The following KIF6 variants were observed in gnomAD, a reference collection of about 807,000 sequenced individuals.
KIF6 encodes the protein kinesin-like protein KIF6.
Under a neutral mutation model 112.7 loss-of-function variants are expected in KIF6, and 106 were observed. That is an observed-to-expected ratio of 0.94 (90% CI 0.80 to 1.11). The LOEUF (loss-of-function observed/expected upper bound fraction) is 1.11, where lower values mean the gene tolerates loss of function less well. KIF6 is among the 50% of genes least tolerant of loss of function. The probability of loss-of-function intolerance (pLI) is 0.00; values close to 1 mark genes in which losing one functional copy is unlikely to be tolerated. For missense variants in KIF6, 929 were observed against 964.0 expected (o/e 0.96, Z 0.48); for synonymous variants, 339 against 339.9 (o/e 1.00, Z 0.03).
rs1181629335 is a variant in KIF6 at position 39,346,475 on chromosome 6, C to A, written c.2231+1G>T. 1.4e-6 allele frequency: 1 copy of A among 716,284 alleles called. No individual in the cohort carries two copies. The highest frequency in any genetic ancestry group is 1.7e-5 in the African/African-American group (1 of 57,156). The allele number at this position is 716,284 out of a possible 1,614,324, so 44.4% of individuals were successfully genotyped here. A position where few individuals can be genotyped will look rare whatever the true frequency, so the allele number is the denominator to read the frequency against. ...CTATGAACCGGGAAGGGGGTCCTCACCAGACATCGAATCTGCCAGTGCCTT... is the reference window on the plus strand; with the variant it reads ...CTATGAACCGGGAAGGGGGTCCTCAACAGACATCGAATCTGCCAGTGCCTT... On this transcript the variant is annotated splice_donor_variant, in intron 20 of 22. Coordinates refer to ENST00000287152, the MANE Select transcript of KIF6 (RefSeq NM_145027.6). LOFTEE classifies it high-confidence loss of function.
intron 7 of KIF6, among the ~76,000 whole-genome samples, chr6:39,593,859 C>A (rs1782089587): frequency 6.6e-6 from 1 of 152,178 alleles, no homozygotes; most frequent in South Asian, 2.1e-4. Flanking sequence ...CTGCTACAAG[C>A]TCCTCTCACT....
At chr6:39,344,619 C>T (rs1763569768) in intron 21 of KIF6, among the ~76,000 whole-genome samples, 1 of 152,150 alleles carries the variant, frequency 6.6e-6, no homozygotes, top group Non-Finnish European at 1.5e-5. Context: ...CTCTCGCTGC[C>T]TTCTCTATCC....
intron 10 of KIF6, among the ~76,000 whole-genome samples, chr6:39,576,410 A>C (rs1236961146): frequency 6.6e-6 from 1 of 152,068 alleles, no homozygotes; most frequent in Non-Finnish European, 1.5e-5. Flanking sequence ...AGATGTGAAC[A>C]TTGGTAGTGA....
chr6:39,440,543 AGT>A (rs1432849569), intron 13 of KIF6, among the ~76,000 whole-genome samples: 1 of 152,140 alleles, frequency 6.6e-6, no homozygotes, highest in Non-Finnish European at 1.5e-5. Flanking sequence ...ATTCCATTTC[AGT>A]GTGTTCCAAA....
intron 3 of KIF6, among the ~76,000 whole-genome samples, chr6:39,684,371 C>T (rs563459063): frequency 1.7e-4 from 26 of 151,982 alleles, no homozygotes; most frequent in African/African-American, 5.6e-4. Flanking sequence ...AATCCTAACA[C>T]TCTGGGAGGC....
intron 16 of KIF6, among the ~76,000 whole-genome samples, chr6:39,366,894 T>C (rs1225487925): frequency 6.8e-6 from 1 of 146,600 alleles, no homozygotes; most frequent in East Asian, 2.0e-4. Flanking sequence ...AGTTGAGCAT[T>C]TTTTTTTTTT....
At chr6:39,490,428 T>C (rs772015039) in intron 13 of KIF6, among the ~76,000 whole-genome samples, 76 of 152,190 alleles carry the variant, frequency 5.0e-4, no homozygotes, top group Admixed American at 1.9e-3. Flanking sequence ...AAGTACTAGG[T>C]TGGGAAACCA....
intron 6 of KIF6, among the ~76,000 whole-genome samples, chr6:39,598,577 A>ATGTGTGTGTGTGTGTG (rs70984133): frequency 1.8e-4 from 26 of 147,948 alleles, no homozygotes; most frequent in Non-Finnish European, 3.4e-4. Flanking sequence ...ATACATATAT[A>ATGTGTGTGTGTGTGTG]TGTGTGTGTG....
rs530788956 is a variant in KIF6 at position 39,586,464 on chromosome 6, C to T, written c.847-60G>A. 4 of 1,381,268 alleles carry T rather than the reference C, an allele frequency of 2.9e-6. No individual in the cohort carries two copies. The South Asian group carries it at 4.8e-5, about 17-fold the overall frequency. The allele number at this position is 1,381,268 out of a possible 1,614,324, so 85.6% of individuals were successfully genotyped here. A position where few individuals can be genotyped will look rare whatever the true frequency, so the allele number is the denominator to read the frequency against. On this transcript the variant is annotated intron_variant, in intron 7 of 22. Coordinates refer to ENST00000287152, the MANE Select transcript of KIF6 (RefSeq NM_145027.6). ...AGCAAGAAAATGCACTCCTGACAAA[C>T]AACAGAGCTTCAATAGCAATAAAAA... is the stretch of plus-strand genomic sequence containing the variant.
rs1228036703 is a variant in KIF6 at position 39,639,732 on chromosome 6, T to A, written c.277A>T (p.Ile93Phe). The change falls in exon 4 of 23, where the codon ATC becomes TTC. Residue 93 changes from isoleucine to phenylalanine, a missense_variant. Ile to Phe is a conservative substitution (Grantham distance 21, BLOSUM62 0). This residue lies in a region of KIF6 where 688 missense variants were observed against 662.7 expected (regional missense o/e 1.04). Transcript: ENST00000287152. ...GSVLAGYNGT[I>F]FAYGQTGSGK... ...CTGCCTGTTTGCCCATATGCAAAGA[T>A]GGTACCATTGTAACCTGCCAGGACA... The A allele has an allele frequency of 1.2e-6, 2 of 1,612,028 alleles. No individual in the cohort carries two copies. The highest frequency in any genetic ancestry group is 3.4e-5 in the Admixed American group (2 of 59,670).
At chr6:39,684,565 G>A (rs376681514) in intron 3 of KIF6, among the ~76,000 whole-genome samples, 6 of 150,536 alleles carry the variant, frequency 4.0e-5, no homozygotes, top group African/African-American at 1.5e-4. Flanking sequence ...GCAGTGAGCC[G>A]AGATCACGCC....
At chr6:39,635,228 T>TA (rs1272554793) in intron 4 of KIF6, among the ~76,000 whole-genome samples, 1 of 152,064 alleles carries the variant, frequency 6.6e-6, no homozygotes, top group Non-Finnish European at 1.5e-5. Context: ...AATATACACT[T>TA]ACAATGAGCC....
At chr6:39,483,396 C>T (rs574074953) in intron 13 of KIF6, among the ~76,000 whole-genome samples, 1 of 152,314 alleles carries the variant, frequency 6.6e-6, no homozygotes, top group South Asian at 2.1e-4. Flanking sequence ...GAAACCCTCA[C>T]CCAGCTCCAC....
At chr6:39,515,453 T>C (rs777739484) in intron 13 of KIF6, among the ~76,000 whole-genome samples, 12 of 152,230 alleles carry the variant, frequency 7.9e-5, no homozygotes, top group African/African-American at 2.9e-4. Context: ...GTGGTCCAGA[T>C]GTATTCCTCC....
chr6:39,600,594 C>G (rs1219628696), intron 6 of KIF6, among the ~76,000 whole-genome samples: 1 of 152,140 alleles, frequency 6.6e-6, no homozygotes, highest in Non-Finnish European at 1.5e-5. Flanking sequence ...CTCTGCCCAC[C>G]ACCTGGTTTC....
At chr6:39,531,604 A>G (rs1364837954) in intron 13 of KIF6, among the ~76,000 whole-genome samples, 2 of 152,114 alleles carry the variant, frequency 1.3e-5, no homozygotes, top group Non-Finnish European at 2.9e-5. Context: ...TGCCAATCCC[A>G]TGCTCTCTAT....
At chr6:39,392,673 A>C (rs1216360144) in intron 15 of KIF6, among the ~76,000 whole-genome samples, 1 of 152,246 alleles carries the variant, frequency 6.6e-6, no homozygotes, top group East Asian at 1.9e-4. Context: ...GGTAAATTTC[A>C]AAAGTGAATT....
chr6:39,554,032 A>G (rs989025892), intron 10 of KIF6: 3 of 155,840 alleles, frequency 1.9e-5, no homozygotes, highest in South Asian at 3.6e-4. Flanking sequence ...TAATGGAGAA[A>G]AAATATCCAA....
intron 5 of KIF6, among the ~76,000 whole-genome samples, chr6:39,631,050 T>C (rs1426296496): frequency 6.6e-6 from 1 of 152,124 alleles, no homozygotes; most frequent in Non-Finnish European, 1.5e-5. Flanking sequence ...ATTCTTTTTA[T>C]ACATTTTTGA....
Sources: gnomAD v4.1 joint callset for allele counts (sites outside exome capture counted in the v4.1 genomes callset) on GRCh38, gnomAD v4.1.1 for gene constraint, gnomAD v4.1.1 regional missense constraint, MANE v1.5 for transcripts, NCBI Gene and HGNC (gene_info 2026-07-23, HGNC 2026-07-21) for gene names.